Variants in OLA1 observed in about 807,000 individuals in gnomAD.
OLA1 encodes the protein obg-like ATPase 1.
In OLA1, 14 loss-of-function variants were observed where a neutral mutation model predicts 48.4. The ratio of observed to expected loss-of-function variants is 0.29; its 90% CI spans 0.19 to 0.45. The LOEUF is 0.45. Ranked by LOEUF, OLA1 falls within the 20% of genes least tolerant of loss-of-function variation. The probability of loss-of-function intolerance (pLI) is 1.00; values close to 1 mark genes in which losing one functional copy is unlikely to be tolerated. For synonymous variants in OLA1, 127 were observed against 150.4 expected, an observed-to-expected ratio of 0.84 and a Z score of 1.14; for missense variants, 325 against 467.1, an observed-to-expected ratio of 0.70 and a Z score of 2.80.
intron 7 of OLA1, among the ~76,000 whole-genome samples, chr2:174,089,179 A>G (rs1420284595): frequency 6.6e-6 from 1 of 152,194 alleles, no homozygotes; most frequent in African/African-American, 2.4e-5. Flanking sequence ...TGGCCAAATG[A>G]GTGAGACCTC....
chr2:174,122,737 C>CTTTTTTT (rs57470671), intron 7 of OLA1, among the ~76,000 whole-genome samples: 1 of 136,688 alleles, frequency 7.3e-6, no homozygotes, highest in Non-Finnish European at 1.6e-5. Context: ...CACACACAGT[C>CTTTTTTT]TTTTTTTTTT....
intron 2 of OLA1, among the ~76,000 whole-genome samples, chr2:174,235,612 C>G (rs765030664): frequency 1.3e-5 from 2 of 152,100 alleles, no homozygotes; most frequent in African/African-American, 2.4e-5. Flanking sequence ...GTCACCATTC[C>G]AAGAGGGGAA....
At chr2:174,169,240 C>T (rs1018532016) in intron 4 of OLA1, among the ~76,000 whole-genome samples, 3 of 152,040 alleles carry the variant, frequency 2.0e-5, no homozygotes, top group African/African-American at 7.2e-5. Flanking sequence ...CCACTGCACC[C>T]AGCCCCAACA....
In OLA1 at chr2:174,075,354, T is replaced by C. The variant is rs907605201; in HGVS notation, c.*72A>G. On this transcript the variant is annotated 3_prime_UTR_variant, in exon 11 of 11. Transcript: ENST00000284719. Reference sequence around the variant, plus strand: ...CCAACTTTATTTGTCGCATTGGTTTTCAGAAATTTTAATTTTTTAAAAATC... The same window carrying C: ...CCAACTTTATTTGTCGCATTGGTTTCCAGAAATTTTAATTTTTTAAAAATC... The C allele has an allele frequency of 3.1e-5, 26 of 826,768 alleles. No homozygotes were observed. The highest frequency in any genetic ancestry group is 9.5e-5 in the South Asian group (6 of 63,112). 51.2% of individuals were successfully genotyped at this position (826,768 alleles called of 1,614,324 possible).
At chr2:174,078,857 T>C in intron 10 of OLA1, 111 bp downstream of exon 10, 8 of 1,129,076 alleles carry the variant, frequency 7.1e-6, no homozygotes, top group Non-Finnish European at 9.8e-6. Flanking sequence ...ATCTTATTAC[T>C]TTATTTTAGA....
chr2:174,192,238 C>A (rs1244009156), intron 4 of OLA1, among the ~76,000 whole-genome samples: 2 of 152,058 alleles, frequency 1.3e-5, no homozygotes, highest in Non-Finnish European at 2.9e-5. Flanking sequence ...TGCCTGAGAC[C>A]AGAAGTGTTT....
At chr2:174,239,550 A>T (rs768982250) in intron 2 of OLA1, among the ~76,000 whole-genome samples, 13 of 152,044 alleles carry the variant, frequency 8.6e-5, no homozygotes, top group Non-Finnish European at 1.3e-4. Context: ...GAGACTGAGA[A>T]TGTGTTCCAG....
At chr2:174,142,384 G>A (rs1428229710) in intron 4 of OLA1, among the ~76,000 whole-genome samples, 2 of 152,064 alleles carry the variant, frequency 1.3e-5, no homozygotes, top group East Asian at 1.9e-4. Flanking sequence ...AGGGAGGGGG[G>A]GTCTGAAATC....
At chr2:174,201,914 T>C (rs1366920113) in intron 4 of OLA1, among the ~76,000 whole-genome samples, 1 of 152,088 alleles carries the variant, frequency 6.6e-6, no homozygotes, top group Non-Finnish European at 1.5e-5. Flanking sequence ...CCAGTATGGG[T>C]AGTTATAAAA....
intron 7 of OLA1, among the ~76,000 whole-genome samples, chr2:174,108,899 G>T (rs767350308): frequency 7.2e-5 from 11 of 152,098 alleles, no homozygotes; most frequent in Non-Finnish European, 1.5e-4. Context: ...TTGCTTTCAG[G>T]CTGTTTGTGT....
chr2:174,193,079 A>G (rs1483266284), intron 4 of OLA1, among the ~76,000 whole-genome samples: 1 of 141,014 alleles, frequency 7.1e-6, no homozygotes, highest in African/African-American at 2.6e-5. Context: ...TTCTTAAAAT[A>G]TTTCTTTCTT....
At chr2:174,183,313 CA>C (rs1285046989) in intron 4 of OLA1, among the ~76,000 whole-genome samples, 1 of 152,184 alleles carries the variant, frequency 6.6e-6, no homozygotes, top group Non-Finnish European at 1.5e-5. Context: ...ATCCAGCCAC[CA>C]GCTGTGCAAT....
At chr2:174,182,275 A>G (rs982489302) in intron 4 of OLA1, among the ~76,000 whole-genome samples, 1 of 152,240 alleles carries the variant, frequency 6.6e-6, no homozygotes, top group Non-Finnish European at 1.5e-5. Flanking sequence ...CTGTAATCCC[A>G]GCACTTTGGG....
intron 7 of OLA1, among the ~76,000 whole-genome samples, chr2:174,087,670 C>A (rs991912882): frequency 2.0e-5 from 3 of 152,044 alleles, no homozygotes; most frequent in Non-Finnish European, 2.9e-5. Context: ...AAATCCAAAA[C>A]CAAATTCTTG....
chr2:174,113,760 C>A (rs1001718535), intron 7 of OLA1, among the ~76,000 whole-genome samples: 3 of 152,166 alleles, frequency 2.0e-5, no homozygotes, highest in Non-Finnish European at 2.9e-5. Context: ...ACAAACATAT[C>A]TTGTACTGTC....
intron 9 of OLA1, 151 bp from the exon 10 acceptor site, chr2:174,079,241 C>A (rs1684811914): frequency 7.2e-6 from 4 of 554,512 alleles, no homozygotes; most frequent in Non-Finnish European, 1.2e-5. Context: ...ACATTTTCAA[C>A]ACTGGGTAGT....
intron 5 of OLA1, among the ~76,000 whole-genome samples, chr2:174,131,853 T>G (rs1686189434): frequency 2.0e-5 from 3 of 152,104 alleles, no homozygotes; most frequent in Non-Finnish European, 2.9e-5. Context: ...ATGAAAGAGA[T>G]TCACCTATAA....
At chr2:174,119,654 G>T (rs1312933504) in intron 7 of OLA1, among the ~76,000 whole-genome samples, 2 of 151,956 alleles carry the variant, frequency 1.3e-5, no homozygotes, top group Non-Finnish European at 2.9e-5. Context: ...ATTTTTAGTT[G>T]TTATGTACAA....
chr2:174,124,692 A>T (rs554885192), intron 5 of OLA1, among the ~76,000 whole-genome samples: 5 of 152,220 alleles, frequency 3.3e-5, no homozygotes, highest in Admixed American at 2.0e-4. Flanking sequence ...TGTTTTAAAT[A>T]TGCATTTCTC....
Sources: allele counts gnomAD v4.1 joint callset (sites outside exome capture counted in the v4.1 genomes callset), GRCh38; gene constraint gnomAD v4.1.1; transcripts MANE v1.5; gene names NCBI Gene and HGNC (gene_info 2026-07-23, HGNC 2026-07-21).